The following DLGAP4 variants were observed in gnomAD, a reference collection of about 807,000 sequenced individuals.
DLGAP4 encodes the protein disks large-associated protein 4.
A neutral mutation model predicts 86.9 loss-of-function variants in DLGAP4; 18 were observed. That is an observed-to-expected ratio of 0.21 (90% CI 0.14 to 0.31). The LOEUF is 0.31. DLGAP4 is among the 10% of genes least tolerant of loss of function. DLGAP4 has a pLI of 1.00. For missense variants in DLGAP4, 1,085 were observed against 1,362.6 expected (o/e 0.80, Z 3.21); for synonymous variants, 548 against 574.3 (o/e 0.95, Z 0.65).
intron 1 of DLGAP4, among the ~76,000 whole-genome samples, chr20:36,349,892 C>T (rs922757344): frequency 5.9e-5 from 9 of 152,156 alleles, no homozygotes; most frequent in Admixed American, 2.0e-4. Context: ...AAAGCAGCAT[C>T]GCCGCGTCCC....
chr20:36,462,619 G>A lies in DLGAP4; in HGVS notation c.1648+15682G>A, dbSNP rs747651731. On this transcript the variant is annotated intron_variant, in intron 7 of 12. Coordinates refer to ENST00000339266, the MANE Select transcript of DLGAP4 (RefSeq NM_001365621.2). ...AGCAATGTGAGTGGTGGGGTGTCCGGGTCGGGCCGGAGTTGGCCCGCAGGC... is the reference window on the plus strand; with the variant it reads ...AGCAATGTGAGTGGTGGGGTGTCCGAGTCGGGCCGGAGTTGGCCCGCAGGC... The A allele has an allele frequency of 2.9e-5, 46 of 1,587,216 alleles. 1 individual carries two copies. The Admixed American group carries it at 6.7e-4, about 23-fold the overall frequency.
intron 1 of DLGAP4, among the ~76,000 whole-genome samples, chr20:36,315,802 C>T (rs2065093904): frequency 6.6e-6 from 1 of 152,158 alleles, no homozygotes; most frequent in Non-Finnish European, 1.5e-5. Flanking sequence ...CCCAAGCCTT[C>T]CCGGCACTGG....
intron 2 of DLGAP4, among the ~76,000 whole-genome samples, chr20:36,383,750 C>T (rs868368848): frequency 4.6e-5 from 7 of 152,032 alleles, no homozygotes; most frequent in South Asian, 2.1e-4. Context: ...CCGAGGCAGG[C>T]GGATCACGAG....
intron 8 of DLGAP4, chr20:36,499,244 G>T (rs1394437759): frequency 6.8e-6 from 11 of 1,612,540 alleles, no homozygotes; most frequent in Non-Finnish European, 9.3e-6. Context: ...GTGTGAAGGA[G>T]AGGACTAGAA....
intron 7 of DLGAP4, among the ~76,000 whole-genome samples, chr20:36,459,963 G>A (rs541737334): frequency 1.3e-5 from 2 of 152,262 alleles, no homozygotes; most frequent in South Asian, 2.1e-4. Flanking sequence ...TGTCAATCAC[G>A]GTCCACAGTT....
At chr20:36,471,932 C>T (rs889878516) in intron 7 of DLGAP4, among the ~76,000 whole-genome samples, 8 of 152,110 alleles carry the variant, frequency 5.3e-5, no homozygotes, top group African/African-American at 1.9e-4. Flanking sequence ...TTAGGGGCTC[C>T]CGGAATTTGC....
chr20:36,479,352 A>G (rs571248733), intron 7 of DLGAP4, among the ~76,000 whole-genome samples: 1 of 152,294 alleles, frequency 6.6e-6, no homozygotes, highest in African/African-American at 2.4e-5. Flanking sequence ...CTAAGTGTCA[A>G]CAGGCATTCA....
At chr20:36,433,880 T>A (rs1317694096) in intron 3 of DLGAP4, among the ~76,000 whole-genome samples, 1 of 152,016 alleles carries the variant, frequency 6.6e-6, no homozygotes, top group African/African-American at 2.4e-5. Flanking sequence ...TTTGAACTCC[T>A]AACCTCCAGT....
intron 12 of DLGAP4, chr20:36,526,209 A>G: frequency 4.3e-6 from 3 of 705,514 alleles, no homozygotes; most frequent in Non-Finnish European, 7.3e-6. Context: ...CTGCCCCTGA[A>G]GCATGTGTCC....
chr20:36,318,466 G>A (rs2065132978), intron 1 of DLGAP4, among the ~76,000 whole-genome samples: 1 of 152,184 alleles, frequency 6.6e-6, no homozygotes, highest in Non-Finnish European at 1.5e-5. Flanking sequence ...TCCCACTCCT[G>A]GGCACAAGTG....
Position 36,524,232 on chromosome 20 carries a change from C to CA in DLGAP4, c.2513-18_2513-17insA. On this transcript the variant is annotated splice_polypyrimidine_tract_variant and intron_variant, in intron 10 of 12. Transcript: ENST00000339266. ...TGTGCTGTGCTAAATCAGTCTTTTT[C>CA]CACCCTCTGTTTCTCAGTCTTAGGA... is the stretch of plus-strand genomic sequence containing the variant. The CA allele has an allele frequency of 1.2e-6, 2 of 1,609,242 alleles. No homozygotes were observed. The highest frequency in any genetic ancestry group is 1.7e-6 in the Non-Finnish European group (2 of 1,175,558).
chr20:36,358,998 C>T (rs2147400224), intron 1 of DLGAP4, among the ~76,000 whole-genome samples: 1 of 152,246 alleles, frequency 6.6e-6, no homozygotes, highest in Middle Eastern at 3.4e-3. Flanking sequence ...CCAGTCCTTC[C>T]AGTCTGGGAT....
intron 10 of DLGAP4, among the ~76,000 whole-genome samples, chr20:36,514,185 C>G (rs1352987072): frequency 6.6e-6 from 1 of 152,086 alleles, no homozygotes; most frequent in Non-Finnish European, 1.5e-5. Context: ...TCAAAGGCAG[C>G]TGAAGGGCTC....
At chr20:36,503,810 T>G (rs542777497) in intron 10 of DLGAP4, among the ~76,000 whole-genome samples, 74 of 152,336 alleles carry the variant, frequency 4.9e-4, no homozygotes, top group African/African-American at 1.7e-3. Context: ...TTTGGCCTTT[T>G]GTGTCTGGCT....
chr20:36,497,440 A>C, intron 8 of DLGAP4: 3 of 1,064,996 alleles, frequency 2.8e-6, no homozygotes, highest in Non-Finnish European at 3.4e-6. Flanking sequence ...CAGTTCTCTA[A>C]TCCAAGGTCA....
chr20:36,467,729 G>A (rs1236435249), intron 7 of DLGAP4, among the ~76,000 whole-genome samples: 11 of 152,192 alleles, frequency 7.2e-5, no homozygotes, highest in Non-Finnish European at 1.2e-4. Context: ...GCGCTCTGAT[G>A]GGCCAGAAGG....
At chr20:36,489,124 T>C (rs1054126618) in intron 7 of DLGAP4, among the ~76,000 whole-genome samples, 2 of 152,178 alleles carry the variant, frequency 1.3e-5, no homozygotes, top group African/African-American at 4.8e-5. Context: ...GACACTTGTT[T>C]ACAGTATGAG....
chr20:36,472,780 C>A (rs1265144531), intron 7 of DLGAP4, among the ~76,000 whole-genome samples: 1 of 152,204 alleles, frequency 6.6e-6, no homozygotes, highest in African/African-American at 2.4e-5. Context: ...CCACTTCAGA[C>A]CCAGCCCAGG....
At chr20:36,381,623 G>T (rs898311880) in intron 2 of DLGAP4, among the ~76,000 whole-genome samples, 1 of 152,224 alleles carries the variant, frequency 6.6e-6, no homozygotes, top group African/African-American at 2.4e-5. Flanking sequence ...TGAGCCCCCA[G>T]TCTAGGGGCA....
Sources: gnomAD v4.1 joint callset for allele counts (sites outside exome capture counted in the v4.1 genomes callset) on GRCh38, gnomAD v4.1.1 for gene constraint, MANE v1.5 for transcripts, NCBI Gene and HGNC (gene_info 2026-07-23, HGNC 2026-07-21) for gene names.